UBE4A: variants seen among roughly 807,000 people sequenced by gnomAD.
UBE4A encodes the protein ubiquitination factor E4A, also known as ubiquitin conjugation factor E4 A.
A neutral mutation model predicts 117.9 loss-of-function variants in UBE4A; 48 were observed. The observed-to-expected ratio is 0.41, with a 90% CI of 0.32 to 0.52. The LOEUF (loss-of-function observed/expected upper bound fraction) is 0.52, where lower values mean the gene tolerates loss of function less well. Ranked by LOEUF, UBE4A falls within the 20% of genes least tolerant of loss-of-function variation. The pLI is 0.33. For missense variants in UBE4A, 1,067 were observed against 1,296.3 expected (o/e 0.82, Z 2.72); for synonymous variants, 407 against 450.0 (o/e 0.90, Z 1.21).
intron 15 of UBE4A, among the ~76,000 whole-genome samples, chr11:118,385,204 T>A (rs1485975280): frequency 6.6e-6 from 1 of 152,136 alleles, no homozygotes; most frequent in Admixed American, 6.5e-5. Context: ...AAATACCATA[T>A]GGTGAAGCCA....
chr11:118,376,172 A>T (rs900388728), intron 9 of UBE4A, among the ~76,000 whole-genome samples: 1 of 152,174 alleles, frequency 6.6e-6, no homozygotes, highest in South Asian at 2.1e-4. Flanking sequence ...AGAGAAATGA[A>T]GAGAAAATAA....
Position 118,372,547 on chromosome 11 carries a change from A to G in UBE4A, c.602A>G (p.Gln201Arg). 1 of 1,613,574 alleles carries G rather than the reference A, an allele frequency of 6.2e-7. No homozygotes were observed. Among genetic ancestry groups the G allele is most frequent in the Non-Finnish European group, 8.5e-7 (1 of 1,179,914 alleles). ...GAGAACCTGCTACCCTTTGCAGTGC[A>G]GTGCAGAAACCTCACTGTGTCCAAT... is the stretch of plus-strand genomic sequence containing the variant. ...VPENLLPFAV[Q>R]CRNLTVSNTR... is the part of the protein sequence containing the mutation. The change falls in exon 6 of 20, where the codon CAG becomes CGG. Residue 201 changes from glutamine (Q) to arginine (R), a missense_variant. By Grantham distance (43) the Gln-to-Arg change is conservative. Around this residue, in one of 3 missense-constraint regions of UBE4A, gnomAD observed 1,001 missense variants for 1,184.0 expected, o/e 0.85. Coordinates refer to ENST00000252108, the MANE Select transcript of UBE4A (RefSeq NM_001204077.2).
rs113963114 is a variant in UBE4A at position 118,379,455 on chromosome 11, T to A, written c.1581T>A (p.Asp527Glu). 2 of 1,612,184 alleles carry A rather than the reference T, an allele frequency of 1.2e-6. No homozygotes were observed. Among genetic ancestry groups the A allele is most frequent in the Admixed American group, 3.3e-5 (2 of 60,014 alleles). Residue 527 changes from aspartate to glutamate, a missense_variant, in exon 11 of 20, where the codon GAT becomes GAA. Asp to Glu is a conservative substitution (Grantham distance 45). Around this residue, in one of 3 missense-constraint regions of UBE4A, gnomAD observed 1,001 missense variants for 1,184.0 expected, o/e 0.85. Transcript: ENST00000252108. ...TLYLGFHRLH[D>E]QMVKINQNLH... is the part of the protein sequence containing the mutation. ...GCTTTCTTGGGGGCAGGTTGCATGA[T>A]CAGATGGTAAAAATCAACCAAAATC... is the stretch of plus-strand genomic sequence containing the variant.
chr11:118,380,040 T>C (rs1421329000), intron 11 of UBE4A, among the ~76,000 whole-genome samples: 2 of 152,138 alleles, frequency 1.3e-5, no homozygotes, highest in Non-Finnish European at 2.9e-5. Context: ...TTGTTCAACT[T>C]ACACATTCAT....
intron 4 of UBE4A, among the ~76,000 whole-genome samples, chr11:118,370,086 C>T (rs1192996449): frequency 2.8e-5 from 4 of 143,072 alleles, no homozygotes; most frequent in Non-Finnish European, 6.1e-5. Flanking sequence ...AGCAAGACTC[C>T]GTCTCAAAAA....
chr11:118,373,000 A>AG, intron 6 of UBE4A, 86 bp from the exon 7 acceptor site: 1 of 1,272,808 alleles, frequency 7.9e-7, no homozygotes, highest in Non-Finnish European at 1.1e-6. Flanking sequence ...AAAAAAAAAA[A>AG]AGAATTATTG....
Position 118,396,414 on chromosome 11 carries a change from A to G in UBE4A, c.3175A>G (p.Lys1059Glu). The change falls in exon 20 of 20, where the codon AAA becomes GAA. Residue 1059 changes from lysine (K) to glutamate (E), a missense_variant. Physicochemically the swap from Lys to Glu is moderately conservative, Grantham distance 56 (BLOSUM62 1). Around this residue, in one of 3 missense-constraint regions of UBE4A, gnomAD observed 32 missense variants for 34.5 expected, o/e 0.93. Coordinates refer to ENST00000252108, the MANE Select transcript of UBE4A (RefSeq NM_001204077.2). Reference sequence around the variant, plus strand: ...AATCCAACGGTGGCTTGCAGAGAGGAAACAACAAAAGGAGCAACTTGAATA... The same window carrying G: ...AATCCAACGGTGGCTTGCAGAGAGGGAACAACAAAAGGAGCAACTTGAATA... ...EKIQRWLAER[K>E]QQKEQLE 1.2e-6 allele frequency: 2 copies of G among 1,613,950 alleles called. No homozygotes were observed. The highest frequency in any genetic ancestry group is 1.7e-6 in the Non-Finnish European group (2 of 1,179,894).
At chr11:118,382,490 T>A in intron 12 of UBE4A, 99 bp from the exon 13 acceptor site, 3 of 1,054,032 alleles carry the variant, frequency 2.8e-6, no homozygotes, top group Non-Finnish European at 3.7e-6. Flanking sequence ...TTTCCTGTAA[T>A]ATGGTTTAGG....
chr11:118,370,161 G>C (rs896369072), intron 4 of UBE4A, among the ~76,000 whole-genome samples: 1 of 151,934 alleles, frequency 6.6e-6, no homozygotes, highest in African/African-American at 2.4e-5. Flanking sequence ...TGGGTACCTA[G>C]AATAATCAGC....
rs1555125706 is a variant in UBE4A at position 118,378,161 on chromosome 11, C to T, written c.1572-1285C>T. 3.3e-5 allele frequency among the ~76,000 whole-genome samples: 5 copies of T among 151,620 alleles called. 1 individual carries two copies. In the South Asian group the frequency reaches 1.0e-3, roughly 32 times the overall value. On this transcript the variant is annotated intron_variant, in intron 10 of 19. Coordinates refer to ENST00000252108, the MANE Select transcript of UBE4A (RefSeq NM_001204077.2). ...ACTCGGGAGGTTGAAGAAGGAGAAT[C>T]GCTTGAACCTGGGAGGCGGAGGTTG... is the stretch of plus-strand genomic sequence containing the variant.
At chr11:118,365,989 C>T (rs181159992) in intron 2 of UBE4A, among the ~76,000 whole-genome samples, 209 of 152,036 alleles carry the variant, frequency 1.4e-3, no homozygotes, top group Non-Finnish European at 2.4e-3. Context: ...TCTCCTCTCT[C>T]CGAAAAGAAT....
At chr11:118,380,116 A>AGTGTGT (rs56027138) in intron 11 of UBE4A, among the ~76,000 whole-genome samples, 1 of 142,592 alleles carries the variant, frequency 7.0e-6, no homozygotes, top group Non-Finnish European at 1.5e-5. Flanking sequence ...GAAGGGAAAG[A>AGTGTGT]GTGTGTGTGT....
At chr11:118,390,588 G>A (rs1463147106) in intron 17 of UBE4A, 69 bp from the exon 18 acceptor site, 1 of 1,318,084 alleles carries the variant, frequency 7.6e-7, no homozygotes, top group Non-Finnish European at 9.8e-7. Flanking sequence ...TTGTTCTGCA[G>A]CCTACCTATT....
intron 1 of UBE4A, among the ~76,000 whole-genome samples, chr11:118,363,639 T>C (rs1948539666): frequency 7.0e-6 from 1 of 143,628 alleles, no homozygotes; most frequent in African/African-American, 2.6e-5. Context: ...TGAGACGAAG[T>C]CTCGCTCTGT....
At chr11:118,362,028 T>C (rs1948524518) in intron 1 of UBE4A, among the ~76,000 whole-genome samples, 1 of 152,198 alleles carries the variant, frequency 6.6e-6, no homozygotes, top group African/African-American at 2.4e-5. Context: ...TGTAGAAAGC[T>C]AGTTTCTTTA....
intron 7 of UBE4A, 86 bp downstream of exon 7, chr11:118,373,374 C>T: frequency 2.0e-6 from 3 of 1,530,788 alleles, no homozygotes; most frequent in Non-Finnish European, 2.7e-6. Flanking sequence ...ATAATACTAC[C>T]TATAAAATAA....
chr11:118,375,778 A>C (rs1352111183), intron 9 of UBE4A, among the ~76,000 whole-genome samples: 1 of 152,146 alleles, frequency 6.6e-6, no homozygotes, highest in Non-Finnish European at 1.5e-5. Context: ...ATTCATTCAT[A>C]GTTTATAAAA....
At chr11:118,384,786 T>G in intron 14 of UBE4A, 46 bp from the exon 15 acceptor site, 1 of 1,611,246 alleles carries the variant, frequency 6.2e-7, no homozygotes, top group Non-Finnish European at 8.5e-7. Flanking sequence ...CCTAATGAGT[T>G]GTAATTCAGT....
chr11:118,382,745 A>G lies in UBE4A; in HGVS notation c.2166A>G (p.Leu722=). Reference sequence around the variant, plus strand: ...ATGCACCCCAACTTGCAGAGGCTCTAATCAAGGTTTTTGTGGACATCGAAT... The same window carrying G: ...ATGCACCCCAACTTGCAGAGGCTCTGATCAAGGTTTTTGTGGACATCGAAT... ...FQYAPQLAEA[L]IKVFVDIEFT... Residue 722 remains leucine, a synonymous_variant, in exon 13 of 20, where the codon CTA becomes CTG. Transcript: ENST00000252108. 6.3e-7 allele frequency: 1 copy of G among 1,598,122 alleles called. No homozygotes were observed. Among genetic ancestry groups the G allele is most frequent in the African/African-American group, 1.3e-5 (1 of 74,680 alleles).
Sources: gnomAD v4.1 joint callset for allele counts (sites outside exome capture counted in the v4.1 genomes callset) on GRCh38, gnomAD v4.1.1 for gene constraint, gnomAD v4.1.1 regional missense constraint, MANE v1.5 for transcripts, NCBI Gene and HGNC (gene_info 2026-07-23, HGNC 2026-07-21) for gene names.